UBE3C: variants seen among roughly 807,000 people sequenced by gnomAD.
UBE3C encodes ubiquitin protein ligase E3C, also known as ubiquitin-protein ligase E3C.
Under a neutral mutation model 129.4 loss-of-function variants are expected in UBE3C, and 42 were observed. The observed-to-expected ratio is 0.32, with a 90% CI of 0.25 to 0.42. UBE3C has a LOEUF of 0.42. Ranked by LOEUF, UBE3C falls within the 10% of genes least tolerant of loss-of-function variation. The probability of loss-of-function intolerance (pLI) is 1.00; values close to 1 mark genes in which losing one functional copy is unlikely to be tolerated. For synonymous variants in UBE3C, 510 were observed against 492.4 expected, an observed-to-expected ratio of 1.04 and a Z score of -0.47; for missense variants, 1,049 against 1,319.1, an observed-to-expected ratio of 0.80 and a Z score of 3.17.
chr7:157,139,405 T>TCGGGGTTGGACG, intron 1 of UBE3C, 67 bp downstream of exon 1: 1 of 1,425,372 alleles, frequency 7.0e-7, no homozygotes. Context: ...GGGCTGGGAC[T>TCGGGGTTGGACG]CGGGGCTGGA....
intron 18 of UBE3C, among the ~76,000 whole-genome samples, chr7:157,232,632 G>A (rs1159743843): frequency 6.6e-6 from 1 of 152,206 alleles, no homozygotes; most frequent in South Asian, 2.1e-4. Context: ...GATTACAAGC[G>A]TGAGCCACTG....
At chr7:157,171,562 T>C (rs1808366146) in intron 4 of UBE3C, among the ~76,000 whole-genome samples, 1 of 150,436 alleles carries the variant, frequency 6.6e-6, no homozygotes, top group Admixed American at 6.7e-5. Context: ...CATAGAAGAA[T>C]AATTTTTTTA....
At chr7:157,232,956 T>C (rs73176423) in intron 18 of UBE3C, among the ~76,000 whole-genome samples, 27,838 of 152,142 alleles carry the variant, frequency 0.18, 2,791 homozygotes, top group East Asian at 0.39. Flanking sequence ...GTTTTTAATA[T>C]ATTCACTGTG....
At chr7:157,204,178 A>G in intron 11 of UBE3C, among the ~76,000 whole-genome samples, 1 of 152,170 alleles carries the variant, frequency 6.6e-6, no homozygotes, top group East Asian at 1.9e-4. Context: ...AATGTCTCAT[A>G]TTTCCTACTG....
intron 9 of UBE3C, among the ~76,000 whole-genome samples, chr7:157,185,688 C>G (rs1360436133): frequency 6.6e-6 from 1 of 152,090 alleles, no homozygotes. Flanking sequence ...GCTCTTTTGC[C>G]TTTAGGTTTC....
chr7:157,239,653 C>T (rs112277761), intron 18 of UBE3C, among the ~76,000 whole-genome samples: 119 of 152,192 alleles, frequency 7.8e-4, no homozygotes, highest in African/African-American at 2.7e-3. Context: ...CTTGAGCAGC[C>T]GCTTAAGGGA....
At position 157,153,594 on chromosome 7, in the gene UBE3C, G is replaced by T. The variant is rs940917411; in HGVS notation, c.67-10216G>T. Among the ~76,000 whole-genome samples the T allele has an allele frequency of 2.0e-5, 3 of 152,152 alleles. No individual in the cohort carries two copies. In the South Asian group the frequency reaches 6.2e-4, roughly 32 times the overall value. Reference sequence around the variant, plus strand: ...TTGGGATTACAGGTGTGAGCCACACGCCCAGCCAGAAAGTCATAATTCTTG... The same window carrying T: ...TTGGGATTACAGGTGTGAGCCACACTCCCAGCCAGAAAGTCATAATTCTTG... On this transcript the variant is annotated intron_variant, in intron 1 of 22. Coordinates refer to ENST00000348165, the MANE Select transcript of UBE3C (RefSeq NM_014671.3).
chr7:157,229,082 G>C (rs1263396158), intron 17 of UBE3C, among the ~76,000 whole-genome samples: 1 of 152,206 alleles, frequency 6.6e-6, no homozygotes, highest in Non-Finnish European at 1.5e-5. Flanking sequence ...GCCTGTGAAA[G>C]TGTCGAATGT....
intron 2 of UBE3C, among the ~76,000 whole-genome samples, chr7:157,168,587 T>A (rs567063305): frequency 6.6e-6 from 1 of 152,352 alleles, no homozygotes; most frequent in East Asian, 1.9e-4. Flanking sequence ...GGTCCATCCA[T>A]ACAATGGAAC....
chr7:157,235,387 C>G lies in UBE3C; in HGVS notation c.2481+4060C>G, dbSNP rs560968988. Among the ~76,000 whole-genome samples, 45 of 152,216 alleles carry G rather than the reference C, an allele frequency of 3.0e-4. 1 individual carries two copies. In the South Asian group the frequency reaches 9.3e-3, roughly 32 times the overall value. On this transcript the variant is annotated intron_variant, in intron 18 of 22. Coordinates refer to ENST00000348165, the MANE Select transcript of UBE3C (RefSeq NM_014671.3). Reference sequence around the variant, plus strand: ...ACAGAAGATAGAGCAATAATTTTACCTGCATGAATTAAATCTTAAGATTAT... The same window carrying G: ...ACAGAAGATAGAGCAATAATTTTACGTGCATGAATTAAATCTTAAGATTAT...
In UBE3C at chr7:157,244,854, T is replaced by TG. The variant is rs779600624; in HGVS notation, c.2482-3513dup. ...TTACAGGTCTTTTCCATATACCTAT[T>TG]GCTATTTTTTTCATGACAAGTAGTT... On this transcript the variant is annotated intron_variant, in intron 18 of 22. Transcript: ENST00000348165. Among the ~76,000 whole-genome samples the TG allele has an allele frequency of 4.7e-4, 72 of 152,352 alleles. 1 individual carries two copies. The highest frequency in any genetic ancestry group is 1.4e-3 in the Admixed American group (21 of 15,306).
At chr7:157,181,443 ATTT>A in intron 6 of UBE3C, 72 bp from the exon 7 acceptor site, 1 of 1,346,084 alleles carries the variant, frequency 7.4e-7, no homozygotes. Context: ...GGTTAAAAGC[ATTT>A]AAAAATTGGC....
intron 9 of UBE3C, among the ~76,000 whole-genome samples, chr7:157,184,520 A>G (rs1808755588): frequency 6.6e-6 from 1 of 152,232 alleles, no homozygotes; most frequent in South Asian, 2.1e-4. Context: ...AAAATTATAT[A>G]TACATGCATA....
chr7:157,251,834 G>T (rs551134474), intron 19 of UBE3C, among the ~76,000 whole-genome samples: 1 of 151,102 alleles, frequency 6.6e-6, no homozygotes. Flanking sequence ...TAGTGTAACC[G>T]TTTAAAAGTT....
intron 1 of UBE3C, among the ~76,000 whole-genome samples, chr7:157,153,147 G>C (rs1374507000): frequency 6.6e-6 from 1 of 152,146 alleles, no homozygotes; most frequent in Non-Finnish European, 1.5e-5. Flanking sequence ...GCAGTGAGCA[G>C]AGATCGCACC....
chr7:157,150,595 A>C (rs1174552351), intron 1 of UBE3C, among the ~76,000 whole-genome samples: 1 of 152,232 alleles, frequency 6.6e-6, no homozygotes, highest in Non-Finnish European at 1.5e-5. Flanking sequence ...TAATATAACA[A>C]TGCAGTGAAA....
chr7:157,263,700 A>G (rs1377890461), intron 22 of UBE3C, among the ~76,000 whole-genome samples: 2 of 150,480 alleles, frequency 1.3e-5, no homozygotes, highest in South Asian at 4.2e-4. Flanking sequence ...TATTAGGAAC[A>G]TTCACTTTGT....
Position 157,242,848 on chromosome 7 carries a change from A to G in UBE3C, c.2482-5520A>G, listed in dbSNP as rs547754928. On this transcript the variant is annotated intron_variant, in intron 18 of 22. Coordinates refer to ENST00000348165, the MANE Select transcript of UBE3C (RefSeq NM_014671.3). ...AAGGCGGGAGAATCACGAGGTCAGGAGTTCTAGACCAGCCTGACCAACATG... is the reference window on the plus strand; with the variant it reads ...AAGGCGGGAGAATCACGAGGTCAGGGGTTCTAGACCAGCCTGACCAACATG... Among the ~76,000 whole-genome samples the G allele has an allele frequency of 2.9e-4, 44 of 152,200 alleles. 1 individual carries two copies. The South Asian group carries it at 9.1e-3, about 32-fold the overall frequency.
At chr7:157,143,257 G>T (rs1477166388) in intron 1 of UBE3C, among the ~76,000 whole-genome samples, 1 of 152,004 alleles carries the variant, frequency 6.6e-6, no homozygotes, top group South Asian at 2.1e-4. Flanking sequence ...TTTAATTGGG[G>T]GTATGTTTTT....
Sources: gnomAD v4.1 joint callset for allele counts (sites outside exome capture counted in the v4.1 genomes callset) on GRCh38, gnomAD v4.1.1 for gene constraint, MANE v1.5 for transcripts, NCBI Gene and HGNC (gene_info 2026-07-23, HGNC 2026-07-21) for gene names.